Variants in PDE4C observed in about 807,000 individuals in gnomAD.
PDE4C encodes the protein phosphodiesterase 4C, also known as 3',5'-cyclic-AMP phosphodiesterase 4C.
PDE4C carries 50 observed loss-of-function variants against 63.9 expected under a neutral mutation model. The ratio of observed to expected loss-of-function variants is 0.78; its 90% CI spans 0.62 to 0.99. PDE4C has a LOEUF of 0.99. Ranked by LOEUF, PDE4C falls within the 50% of genes least tolerant of loss-of-function variation. The pLI, the probability that PDE4C is intolerant of heterozygous loss-of-function variation, is 0.00. For missense variants in PDE4C, 777 were observed against 899.1 expected (o/e 0.86, Z 1.74); for synonymous variants, 377 against 385.1 (o/e 0.98, Z 0.25).
chr19:18,208,913 T>C (rs558113254), downstream of PDE4C: 1 of 151,860 alleles, frequency 6.6e-6, no homozygotes, highest in South Asian at 2.1e-4. Flanking sequence ...AGAGGGAAAA[T>C]TGTGTGTTTT....
chr19:18,248,277 A>G (rs1331815237), upstream of PDE4C: 2 of 453,224 alleles, frequency 4.4e-6, no homozygotes, highest in African/African-American at 4.0e-5. Flanking sequence ...CTCAACACCC[A>G]CTCAGCGGAG....
At chr19:18,222,105 G>T (rs1288366290) in intron 2 of PDE4C, 27 bp downstream of exon 2, 2 of 1,581,120 alleles carry the variant, frequency 1.3e-6, no homozygotes, top group Non-Finnish European at 1.7e-6. Flanking sequence ...GGTAGAGGCG[G>T]TGTCATCCCA....
At chr19:18,213,599 G>T in intron 12 of PDE4C, 109 bp from the exon 13 acceptor site, 1 of 1,207,982 alleles carries the variant, frequency 8.3e-7, no homozygotes, top group Non-Finnish European at 1.1e-6. Flanking sequence ...CTGGGCCTCA[G>T]CATACTCATC....
At chr19:18,248,536 A>G (rs1168016235), upstream of PDE4C, among the ~76,000 whole-genome samples, 1 of 151,902 alleles carries the variant, frequency 6.6e-6, no homozygotes, top group Non-Finnish European at 1.5e-5. Context: ...GTGTTTGCAT[A>G]TGATAGAGTG....
chr19:18,228,984 G>A (rs1274785642), upstream of PDE4C, among the ~76,000 whole-genome samples: 3 of 152,072 alleles, frequency 2.0e-5, no homozygotes, highest in Non-Finnish European at 4.4e-5. Context: ...TGCCCAGGCT[G>A]GAGTGCAATG....
intron 1 of PDE4C, among the ~76,000 whole-genome samples, chr19:18,222,995 C>T (rs28666607): frequency 0.27 from 40,406 of 151,638 alleles, 5,462 homozygotes; most frequent in Middle Eastern, 0.35. Flanking sequence ...CCACCGCACC[C>T]GGCCTCCCCA....
Position 18,241,489 on chromosome 19 carries a change from G to C in PDE4C, c.-210+6682C>G, listed in dbSNP as rs140158511. Among the ~76,000 whole-genome samples the C allele has an allele frequency of 4.6e-5, 7 of 151,774 alleles. No homozygotes were observed. In the East Asian group the frequency reaches 1.4e-3, roughly 29 times the overall value. On this transcript the variant is annotated intron_variant, in intron 1 of 15. Transcript: ENST00000594617. ...TCACCGTGTTAGCTGGGATGGTCTCGATCTCCTGACCTCATGATCTGCCCG... is the reference window on the plus strand; with the variant it reads ...TCACCGTGTTAGCTGGGATGGTCTCCATCTCCTGACCTCATGATCTGCCCG...
At chr19:18,249,941 C>T (rs2148080361), upstream of PDE4C, 1 of 393,916 alleles carries the variant, frequency 2.5e-6, no homozygotes, top group East Asian at 3.6e-5. Flanking sequence ...AAGACATGGT[C>T]CCCACTGTGA....
exon 10 of PDE4C, chr19:18,218,373 G>C: frequency 1.9e-6 from 3 of 1,614,228 alleles, no homozygotes; most frequent in Non-Finnish European, 2.5e-6. Flanking sequence ...GCGTGGACTG[G>C]GCCACGTCGG....
chr19:18,254,760 T>A, the PDE4C span, among the ~76,000 whole-genome samples: 1 of 152,140 alleles, frequency 6.6e-6, no homozygotes, highest in African/African-American at 2.4e-5. Flanking sequence ...CCCTCCACCC[T>A]AGGCACTGTC....
Position 18,220,993 on chromosome 19 carries a change from G to GCC in PDE4C, c.450-72_450-71dup. ...CCCGCCCCCAAGTCCACCAGGCCCCGCCCCTCAAACCCACCTGGAGGCGCC... is the reference window on the plus strand; with the variant it reads ...CCCGCCCCCAAGTCCACCAGGCCCCGCCCCCCTCAAACCCACCTGGAGGCGCC... On this transcript the variant is annotated intron_variant, in intron 4 of 14. Coordinates refer to ENST00000262805, the Ensembl canonical transcript of PDE4C. The surrounding 1 kb of genome is among the most constrained non-coding windows in gnomAD (Gnocchi z 5.1). 6.5e-7 allele frequency: 1 copy of GCC among 1,539,086 alleles called. No homozygotes were observed. Among genetic ancestry groups the GCC allele is most frequent in the East Asian group, 2.3e-5 (1 of 43,058 alleles).
At chr19:18,230,223 C>T (rs973135095), upstream of PDE4C, among the ~76,000 whole-genome samples, 14 of 152,154 alleles carry the variant, frequency 9.2e-5, no homozygotes, top group African/African-American at 3.4e-4. Context: ...ATGCTTGTAG[C>T]GGCTGGGTGT....
At chr19:18,225,025 A>G (rs571845038) in intron 1 of PDE4C, among the ~76,000 whole-genome samples, 2 of 152,252 alleles carry the variant, frequency 1.3e-5, no homozygotes, top group African/African-American at 2.4e-5. Context: ...GGGCGTGCAA[A>G]TCCGGATCCC....
chr19:18,231,506 G>A (rs552058121), intron 1 of PDE4C, among the ~76,000 whole-genome samples: 21 of 152,308 alleles, frequency 1.4e-4, no homozygotes, highest in African/African-American at 5.1e-4. Flanking sequence ...CTGGGCTGTG[G>A]GAACCATCTA....
In PDE4C at chr19:18,221,555, C is replaced by T. The variant is rs548507742; in HGVS notation, c.339-258G>A. Among the ~76,000 whole-genome samples, 8 of 152,260 alleles carry T rather than the reference C, an allele frequency of 5.3e-5. No individual in the cohort carries two copies. In the South Asian group the frequency reaches 1.5e-3, roughly 28 times the overall value. ...GATATTTCCCTTTTCATTATGCCTA[C>T]TAGGAAGCTCAAATCAAAGTATTTC... On this transcript the variant is annotated intron_variant, in intron 2 of 14. Transcript: ENST00000262805.
intron 1 of PDE4C, among the ~76,000 whole-genome samples, chr19:18,245,808 G>A (rs1969118286): frequency 6.6e-6 from 1 of 152,214 alleles, no homozygotes; most frequent in African/African-American, 2.4e-5. Context: ...TGAGCTGAGT[G>A]TGGGAGAGGT....
At chr19:18,222,716 T>C (rs1968547745) in intron 1 of PDE4C, among the ~76,000 whole-genome samples, 1 of 144,396 alleles carries the variant, frequency 6.9e-6, no homozygotes, top group African/African-American at 2.5e-5. Context: ...TTTTTTTTTT[T>C]TTTGACAGGG....
chr19:18,236,264 G>T (rs1389703628), upstream of PDE4C, among the ~76,000 whole-genome samples: 1 of 150,424 alleles, frequency 6.6e-6, no homozygotes, highest in East Asian at 2.0e-4. Context: ...TTTTAAGATG[G>T]TGTCTTGCTC....
upstream of PDE4C, among the ~76,000 whole-genome samples, chr19:18,236,184 C>T (rs1434245551): frequency 6.6e-6 from 1 of 151,930 alleles, no homozygotes; most frequent in Non-Finnish European, 1.5e-5. Context: ...ACCTCGTGAT[C>T]CACCCACCTT....
Sources: allele counts gnomAD v4.1 joint callset (sites outside exome capture counted in the v4.1 genomes callset), GRCh38; gene constraint gnomAD v4.1.1; non-coding constraint Gnocchi (gnomAD v3.1); transcripts MANE v1.5; gene names NCBI Gene and HGNC (gene_info 2026-07-23, HGNC 2026-07-21).